FAM184B: variants seen among roughly 807,000 people sequenced by gnomAD.
The protein encoded by FAM184B is family with sequence similarity 184 member B.
FAM184B carries 111 observed loss-of-function variants against 135.9 expected under a neutral mutation model. That is an observed-to-expected ratio of 0.82 (90% CI 0.70 to 0.96). FAM184B has a LOEUF of 0.96. Among genes scored for constraint, FAM184B ranks in the 40% least tolerant of loss-of-function variants. FAM184B has a pLI of 0.00. For missense variants in FAM184B, 1,375 were observed against 1,323.9 expected (o/e 1.04, Z -0.60); for synonymous variants, 552 against 524.8 (o/e 1.05, Z -0.71).
intron 8 of FAM184B, among the ~76,000 whole-genome samples, chr4:17,662,465 G>A (rs1715941394): frequency 1.3e-5 from 2 of 152,116 alleles, no homozygotes; most frequent in South Asian, 4.1e-4. Context: ...AGCCTCCTGA[G>A]TGGCTGGGAC....
chr4:17,696,814 A>AAATGAATGAATGAATGAATG (rs141390669), intron 5 of FAM184B, among the ~76,000 whole-genome samples: 1 of 146,398 alleles, frequency 6.8e-6, no homozygotes, highest in African/African-American at 2.5e-5. Flanking sequence ...CCTTGTCTCT[A>AAATGAATGAATGAATGAATG]AATGAATGAA....
rs377686276 is a variant in FAM184B at position 17,718,400 on chromosome 4, A to T, written c.142-8756T>A. On this transcript the variant is annotated intron_variant, in intron 1 of 17. Coordinates refer to ENST00000265018, the MANE Select transcript of FAM184B (RefSeq NM_015688.2). ...TCAATGTTTTTGCAGCATTTCCTAT[A>T]TGCCTGGCATGATACTAGGCATGGG... 3.9e-5 allele frequency among the ~76,000 whole-genome samples: 6 copies of T among 152,182 alleles called. No individual in the cohort carries two copies. In the East Asian group the frequency reaches 1.2e-3, roughly 29 times the overall value.
chr4:17,768,008 GA>G (rs1294394776), intron 1 of FAM184B, among the ~76,000 whole-genome samples: 2 of 152,118 alleles, frequency 1.3e-5, no homozygotes, highest in African/African-American at 4.8e-5. Context: ...GGCTACTCTA[GA>G]AAACCTATAA....
rs112253081 is a variant in FAM184B, at chr4:17,768,028, G to T, written c.141+13131C>A. 7.9e-4 allele frequency among the ~76,000 whole-genome samples: 121 copies of T among 152,274 alleles called. 1 individual carries two copies. The highest frequency in any genetic ancestry group is 2.6e-3 in the African/African-American group (107 of 41,558). On this transcript the variant is annotated intron_variant, in intron 1 of 17. Coordinates refer to ENST00000265018, the MANE Select transcript of FAM184B (RefSeq NM_015688.2). Reference sequence around the variant, plus strand: ...CTCTAGAAAACCTATAAATGAATGGGCATGGCTGTGTTCCAATAAAACTTT... The same window carrying T: ...CTCTAGAAAACCTATAAATGAATGGTCATGGCTGTGTTCCAATAAAACTTT...
intron 11 of FAM184B, 120 bp from the exon 12 acceptor site, chr4:17,647,911 G>A (rs1715513119): frequency 1.7e-6 from 2 of 1,165,428 alleles, no homozygotes; most frequent in Non-Finnish European, 2.4e-6. Flanking sequence ...GGCTTGTGGT[G>A]GGTTAGGTTC....
chr4:17,765,402 ATAATATTGATTATAT>A (rs1388518955), intron 1 of FAM184B, among the ~76,000 whole-genome samples: 5 of 152,096 alleles, frequency 3.3e-5, no homozygotes, highest in Non-Finnish European at 5.9e-5. Flanking sequence ...AATATTGATT[ATAATATTGATTATAT>A]TAATATTGAT....
At chr4:17,662,713 A>C (rs182092525) in intron 8 of FAM184B, among the ~76,000 whole-genome samples, 3 of 152,240 alleles carry the variant, frequency 2.0e-5, no homozygotes, top group Non-Finnish European at 2.9e-5. Context: ...TTCAAGAAAC[A>C]ATCAAATAGT....
chr4:17,707,197 A>G (rs1717139097), intron 3 of FAM184B, among the ~76,000 whole-genome samples: 1 of 152,074 alleles, frequency 6.6e-6, no homozygotes, highest in African/African-American at 2.4e-5. Flanking sequence ...TCAGCCTCCT[A>G]AAGTGTTGGG....
chr4:17,762,076 T>G (rs1361361722), intron 1 of FAM184B, among the ~76,000 whole-genome samples: 1 of 149,884 alleles, frequency 6.7e-6, no homozygotes, highest in Non-Finnish European at 1.5e-5. Flanking sequence ...CTGCAAATTC[T>G]CTCTGAGAAA....
At chr4:17,663,836 G>C (rs1715982191) in intron 8 of FAM184B, among the ~76,000 whole-genome samples, 1 of 152,128 alleles carries the variant, frequency 6.6e-6, no homozygotes, top group Admixed American at 6.5e-5. Flanking sequence ...TTTCCCCCAT[G>C]CTGTTCTTGT....
chr4:17,730,996 G>T lies in FAM184B; in HGVS notation c.142-21352C>A, dbSNP rs138641730. The stretch of plus-strand genomic sequence containing the variant: ...GGAAGAAAGGGTATCAGTAATGGAA[G>T]ACGAAATGAATGAAATGAAGCGCGA... On this transcript the variant is annotated intron_variant, in intron 1 of 17. Coordinates refer to ENST00000265018, the MANE Select transcript of FAM184B (RefSeq NM_015688.2). Among the ~76,000 whole-genome samples, 44 of 152,248 alleles carry T rather than the reference G, an allele frequency of 2.9e-4. No individual in the cohort carries two copies. In the East Asian group the frequency reaches 8.1e-3, roughly 28 times the overall value.
At chr4:17,718,228 T>C (rs990231722) in intron 1 of FAM184B, among the ~76,000 whole-genome samples, 5 of 152,198 alleles carry the variant, frequency 3.3e-5, no homozygotes, top group Non-Finnish European at 5.9e-5. Flanking sequence ...TTAGTTATGA[T>C]TTTTACTATT....
chr4:17,751,538 C>T (rs1379677703), intron 1 of FAM184B, among the ~76,000 whole-genome samples: 1 of 152,054 alleles, frequency 6.6e-6, no homozygotes, highest in African/African-American at 2.4e-5. Context: ...GGAGGTAACA[C>T]ATTTCCAAAC....
rs1715008575 is a variant in FAM184B at position 17,632,966 on chromosome 4, GGC to G, written c.3090-343_3090-342del. On this transcript the variant is annotated intron_variant, in intron 17 of 17. Coordinates refer to ENST00000265018, the MANE Select transcript of FAM184B (RefSeq NM_015688.2). ...TGACAGAGTCTCCCTCTGTCACCCA[GGC>G]TGGAGTGCAGTGGCATGATCTCGGC... is the stretch of plus-strand genomic sequence containing the variant. 1.6e-5 allele frequency: 3 copies of G among 183,780 alleles called. No individual in the cohort carries two copies. The South Asian group carries it at 3.4e-4, about 21-fold the overall frequency. The allele number at this position is 183,780 out of a possible 1,614,324, so 11.4% of individuals were successfully genotyped here. A position where few individuals can be genotyped will look rare whatever the true frequency, so the allele number is the denominator to read the frequency against.
At chr4:17,678,056 C>T (rs1031913951) in intron 7 of FAM184B, among the ~76,000 whole-genome samples, 1 of 152,028 alleles carries the variant, frequency 6.6e-6, no homozygotes, top group Non-Finnish European at 1.5e-5. Flanking sequence ...AAACTTGCAG[C>T]CCACATTCTA....
At chr4:17,650,307 T>G (rs1037350223) in intron 11 of FAM184B, among the ~76,000 whole-genome samples, 25 of 152,074 alleles carry the variant, frequency 1.6e-4, no homozygotes, top group East Asian at 9.6e-4. Flanking sequence ...CACACAGATA[T>G]AAGAAGAAGA....
At chr4:17,698,185 G>A (rs931998577) in intron 5 of FAM184B, among the ~76,000 whole-genome samples, 1 of 152,150 alleles carries the variant, frequency 6.6e-6, no homozygotes, top group Non-Finnish European at 1.5e-5. Context: ...CTGGAAGACT[G>A]TTTCATGGGC....
intron 1 of FAM184B, among the ~76,000 whole-genome samples, chr4:17,741,329 G>C (rs778300813): frequency 6.6e-6 from 1 of 152,310 alleles, no homozygotes; most frequent in Middle Eastern, 3.4e-3. Flanking sequence ...ACATGCGAGT[G>C]AAGATTTGAC....
intron 5 of FAM184B, among the ~76,000 whole-genome samples, chr4:17,693,754 G>A (rs563463130): frequency 2.0e-5 from 3 of 152,154 alleles, no homozygotes; most frequent in Non-Finnish European, 2.9e-5. Flanking sequence ...CTACATTTTC[G>A]GATGCAGGGA....
Sources: allele counts gnomAD v4.1 joint callset (sites outside exome capture counted in the v4.1 genomes callset), GRCh38; gene constraint gnomAD v4.1.1; transcripts MANE v1.5; gene names NCBI Gene and HGNC (gene_info 2026-07-23, HGNC 2026-07-21).